ECPAS: variants seen among roughly 807,000 people sequenced by gnomAD.
The protein encoded by ECPAS is proteasome adapter and scaffold protein ECM29.
Under a neutral mutation model 255.1 loss-of-function variants are expected in ECPAS, and 70 were observed. The ratio of observed to expected loss-of-function variants is 0.27; its 90% CI spans 0.23 to 0.33. ECPAS has a LOEUF of 0.33. Among genes scored for constraint, ECPAS ranks in the 10% least tolerant of loss-of-function variants. The probability of loss-of-function intolerance (pLI) is 1.00; values close to 1 mark genes in which losing one functional copy is unlikely to be tolerated. For missense variants in ECPAS, 1,817 were observed against 2,206.4 expected (o/e 0.82, Z 3.54); for synonymous variants, 784 against 775.0 (o/e 1.01, Z -0.19).
intron 2 of ECPAS, among the ~76,000 whole-genome samples, chr9:111,453,672 G>A (rs570082230): frequency 5.9e-5 from 9 of 152,232 alleles, no homozygotes; most frequent in East Asian, 5.8e-4. Context: ...CAGATATCAC[G>A]TGTCCCTGAA....
In ECPAS at chr9:111,414,613, C is replaced by G; in HGVS notation, c.1803G>C (p.Ala601=). 6.2e-7 allele frequency: 1 copy of G among 1,613,818 alleles called. No homozygotes were observed. Among genetic ancestry groups the G allele is most frequent in the Non-Finnish European group, 8.5e-7 (1 of 1,179,876 alleles). The change falls in exon 19 of 50, where the codon GCG becomes GCC. Residue 601 remains alanine, a synonymous_variant. Transcript: ENST00000684092. ...AACTCTGAGAGGTGGGCACCACCCC[C>G]GCACTGTGCGCAAGGCACATGCGCA... ...LYLRMCLAHS[A]GVVPTSQSLA...
At chr9:111,385,033 C>T (rs2098145924) in intron 33 of ECPAS, among the ~76,000 whole-genome samples, 1 of 152,166 alleles carries the variant, frequency 6.6e-6, no homozygotes, top group Non-Finnish European at 1.5e-5. Flanking sequence ...ATCCCATTTA[C>T]AGAACTGATC....
intron 2 of ECPAS, among the ~76,000 whole-genome samples, chr9:111,457,612 T>C (rs1433462122): frequency 1.3e-5 from 2 of 152,208 alleles, no homozygotes; most frequent in Non-Finnish European, 2.9e-5. Flanking sequence ...GAAGGCACAG[T>C]CTTCTTCTGA....
At position 111,473,481 on chromosome 9, in the gene ECPAS, C is replaced by T. The variant is rs574845257; in HGVS notation, c.-82-481G>A. On this transcript the variant is annotated intron_variant, in intron 1 of 49. Transcript: ENST00000684092. ...GACCTCTCTTAGCACTCTTCATCTC[C>T]TTTCTCTGATTATCTTCCTCTCGCT... Among the ~76,000 whole-genome samples, 20 of 152,282 alleles carry T rather than the reference C, an allele frequency of 1.3e-4. No individual in the cohort carries two copies. In the South Asian group the frequency reaches 4.1e-3, roughly 32 times the overall value.
At chr9:111,408,104 G>A (rs2098188002) in intron 24 of ECPAS, among the ~76,000 whole-genome samples, 1 of 152,186 alleles carries the variant, frequency 6.6e-6, no homozygotes, top group African/African-American at 2.4e-5. Context: ...TCAAGGCTAG[G>A]AAAAGCAGGG....
intron 48 of ECPAS, among the ~76,000 whole-genome samples, chr9:111,365,074 C>T (rs1255523452): frequency 2.0e-5 from 3 of 151,962 alleles, no homozygotes; most frequent in Non-Finnish European, 4.4e-5. Flanking sequence ...AGTTCAAGAC[C>T]AGCCTAGCCA....
At chr9:111,412,420 G>A (rs1004738551) in intron 20 of ECPAS, among the ~76,000 whole-genome samples, 2 of 152,088 alleles carry the variant, frequency 1.3e-5, no homozygotes, top group Non-Finnish European at 2.9e-5. Flanking sequence ...AAACAAAAAG[G>A]CTTTATGGGC....
In ECPAS at chr9:111,395,618, T is replaced by C. The variant is rs182067970; in HGVS notation, c.2777-1313A>G. Reference sequence around the variant, plus strand: ...TGAGGCAATACAAGAGTTCAGAGGATGAAGACTGGCACAGATGCCTCTCTA... The same window carrying C: ...TGAGGCAATACAAGAGTTCAGAGGACGAAGACTGGCACAGATGCCTCTCTA... On this transcript the variant is annotated intron_variant, in intron 25 of 49. Coordinates refer to ENST00000684092, the MANE Select transcript of ECPAS (RefSeq NM_001364929.1). Among the ~76,000 whole-genome samples the C allele has an allele frequency of 3.0e-3, 455 of 152,248 alleles. 1 individual carries two copies. The highest frequency in any genetic ancestry group is 4.9e-3 in the Non-Finnish European group (334 of 68,032).
chr9:111,466,616 T>TATACAC (rs138295307), intron 2 of ECPAS, among the ~76,000 whole-genome samples: 2 of 143,382 alleles, frequency 1.4e-5, no homozygotes, highest in African/African-American at 5.2e-5. Flanking sequence ...AATAACTAAA[T>TATACAC]ACACACACAC....
chr9:111,383,228 C>T lies in ECPAS; in HGVS notation c.3786G>A (p.Thr1262=), dbSNP rs752905573. The change falls in exon 35 of 50, where the codon ACG becomes ACA. Residue 1262 remains threonine (T), a synonymous_variant. Coordinates refer to ENST00000684092, the MANE Select transcript of ECPAS (RefSeq NM_001364929.1). ...LLDKGMMSTV[T]EVRALSINTL... is the part of the protein sequence containing the mutation. ...ATGCACACCTGAGGGCTCGAACTTC[C>T]GTCACGGTGCTCATCATTCCTTTGT... 6 of 1,613,696 alleles carry T rather than the reference C, an allele frequency of 3.7e-6. No individual in the cohort carries two copies. The highest frequency in any genetic ancestry group is 2.2e-5 in the South Asian group (2 of 91,038).
Position 111,423,255 on chromosome 9 carries a change from A to C in ECPAS, c.1216-7T>G. On this transcript the variant is annotated splice_polypyrimidine_tract_variant and splice_region_variant and intron_variant, in intron 12 of 49. Transcript: ENST00000684092. ...TTGACAGTAGTTTAGGGTCCTTGAAATTAAAAAAAGAAAAGAAAGAAAAGA... is the reference window on the plus strand; with the variant it reads ...TTGACAGTAGTTTAGGGTCCTTGAACTTAAAAAAAGAAAAGAAAGAAAAGA... 1 of 1,545,726 alleles carries C rather than the reference A, an allele frequency of 6.5e-7. No homozygotes were observed. The highest frequency in any genetic ancestry group is 8.8e-7 in the Non-Finnish European group (1 of 1,141,298).
At chr9:111,439,949 G>A (rs925535409) in intron 6 of ECPAS, among the ~76,000 whole-genome samples, 1 of 152,054 alleles carries the variant, frequency 6.6e-6, no homozygotes, top group African/African-American at 2.4e-5. Flanking sequence ...CAACAAAGAA[G>A]AGAAAAGCTG....
chr9:111,433,171 G>T (rs1473075731), intron 8 of ECPAS, 62 bp downstream of exon 8: 1 of 1,556,296 alleles, frequency 6.4e-7, no homozygotes, highest in African/African-American at 1.4e-5. Flanking sequence ...CAAAAAATGT[G>T]TCAAGTAAGT....
intron 46 of ECPAS, among the ~76,000 whole-genome samples, 193 bp from the exon 47 acceptor site, chr9:111,366,820 G>GA (rs2098120925): frequency 6.6e-6 from 1 of 152,300 alleles, no homozygotes; most frequent in African/African-American, 2.4e-5. Flanking sequence ...TAAAGCCATT[G>GA]AAATTTCCCC....
chr9:111,483,964 C>T (rs896577052), intron 1 of ECPAS, 152 bp downstream of exon 1: 2 of 986,200 alleles, frequency 2.0e-6, no homozygotes, highest in Non-Finnish European at 2.4e-6. Context: ...CCCTCGCTCG[C>T]TCGCGGCTCG....
chr9:111,458,669 G>C (rs1396505266), intron 2 of ECPAS, among the ~76,000 whole-genome samples: 1 of 152,014 alleles, frequency 6.6e-6, no homozygotes, highest in Non-Finnish European at 1.5e-5. Context: ...GTTAGAAATT[G>C]AGTCACATGG....
chr9:111,472,815 A>G (rs959976313), intron 2 of ECPAS, 82 bp downstream of exon 2: 8 of 287,112 alleles, frequency 2.8e-5, no homozygotes, highest in African/African-American at 1.9e-4. Context: ...TCTTGGGGGG[A>G]AATTGCTACC....
At chr9:111,367,917 T>C (rs1009722461) in intron 46 of ECPAS, among the ~76,000 whole-genome samples, 2 of 151,468 alleles carry the variant, frequency 1.3e-5, no homozygotes, top group East Asian at 1.9e-4. Context: ...TGGCATGCAC[T>C]TGTAGACCCA....
intron 1 of ECPAS, among the ~76,000 whole-genome samples, chr9:111,483,260 G>A (rs1430998592): frequency 3.3e-5 from 5 of 152,040 alleles, no homozygotes; most frequent in East Asian, 3.9e-4. Context: ...GGGCAGAGGT[G>A]GCTCCGCCCG....
Sources: gnomAD v4.1 joint callset for allele counts (sites outside exome capture counted in the v4.1 genomes callset) on GRCh38, gnomAD v4.1.1 for gene constraint, MANE v1.5 for transcripts, NCBI Gene and HGNC (gene_info 2026-07-23, HGNC 2026-07-21) for gene names.